The following TMEM87B variants were observed in gnomAD, a reference collection of about 807,000 sequenced individuals.
TMEM87B encodes the protein transmembrane protein 87B.
In TMEM87B, 83 loss-of-function variants were observed where a neutral mutation model predicts 80.3. That is an observed-to-expected ratio of 1.03 (90% CI 0.87 to 1.24). The LOEUF is 1.24. Ranked by LOEUF, TMEM87B falls within the 50% of genes most tolerant of loss-of-function variation. TMEM87B has a pLI of 0.00. For synonymous variants in TMEM87B, 219 were observed against 230.5 expected, an observed-to-expected ratio of 0.95 and a Z score of 0.45; for missense variants, 625 against 674.4, an observed-to-expected ratio of 0.93 and a Z score of 0.81.
chr2:112,086,919 T>TTA (rs1470062230), intron 9 of TMEM87B, among the ~76,000 whole-genome samples: 1 of 152,172 alleles, frequency 6.6e-6, no homozygotes, highest in Admixed American at 6.5e-5. Flanking sequence ...CTAGACTTTA[T>TTA]TATATATATA....
chr2:112,107,883 G>T, intron 17 of TMEM87B, 43 bp downstream of exon 17: 1 of 1,407,486 alleles, frequency 7.1e-7, no homozygotes. Flanking sequence ...ATTTTAGGCT[G>T]TAGTTTAAAA....
At chr2:112,110,078 T>A (rs1379665066) in intron 17 of TMEM87B, among the ~76,000 whole-genome samples, 1 of 152,220 alleles carries the variant, frequency 6.6e-6, no homozygotes, top group Non-Finnish European at 1.5e-5. Flanking sequence ...CTACTTATTT[T>A]TGACATTTTG....
rs940908761 is a variant in TMEM87B, at chr2:112,095,324, G to A, written c.1105-1720G>A. The A allele has an allele frequency of 3.5e-5, 34 of 983,502 alleles. No individual in the cohort carries two copies. The Admixed American group carries it at 6.8e-4, about 20-fold the overall frequency. 60.9% of individuals were successfully genotyped at this position (983,502 alleles called of 1,614,324 possible). A position where few individuals can be genotyped will look rare whatever the true frequency, so the allele number is the denominator to read the frequency against. Reference sequence around the variant, plus strand: ...GATATCCTTTTCCTACCACAGCAGCGCGCTCTCACTTCAGGATCAGAAGGG... The same window carrying A: ...GATATCCTTTTCCTACCACAGCAGCACGCTCTCACTTCAGGATCAGAAGGG... On this transcript the variant is annotated intron_variant, in intron 11 of 18. Coordinates refer to ENST00000283206, the MANE Select transcript of TMEM87B (RefSeq NM_032824.3).
intron 4 of TMEM87B, among the ~76,000 whole-genome samples, chr2:112,067,612 A>C (rs1273516413): frequency 1.1e-4 from 17 of 152,154 alleles, no homozygotes; most frequent in Non-Finnish European, 2.4e-4. Flanking sequence ...AAAAAAGATA[A>C]GATACTGATA....
intron 15 of TMEM87B, among the ~76,000 whole-genome samples, chr2:112,104,563 A>C (rs1679714757): frequency 6.6e-6 from 1 of 152,210 alleles, no homozygotes; most frequent in Admixed American, 6.5e-5. Context: ...AGTCTGATAG[A>C]TAGCATGAAC....
intron 3 of TMEM87B, 106 bp downstream of exon 3, chr2:112,064,359 T>C: frequency 2.1e-6 from 2 of 934,272 alleles, no homozygotes; most frequent in Non-Finnish European, 3.3e-6. Flanking sequence ...ATTACAGTTT[T>C]AGAAGTGCTA....
chr2:112,094,208 T>G (rs1679389726), intron 11 of TMEM87B, among the ~76,000 whole-genome samples: 1 of 151,342 alleles, frequency 6.6e-6, no homozygotes, highest in African/African-American at 2.4e-5. Flanking sequence ...TGTCACCAGG[T>G]TGGAGTGCAG....
intron 1 of TMEM87B, among the ~76,000 whole-genome samples, chr2:112,057,343 A>G (rs375134786): frequency 1.3e-5 from 2 of 151,866 alleles, no homozygotes; most frequent in East Asian, 1.9e-4. Context: ...GCACAGTCAT[A>G]TGGCTCACTG....
At chr2:112,090,522 A>G (rs72942010) in intron 10 of TMEM87B, among the ~76,000 whole-genome samples, 8,145 of 151,916 alleles carry the variant, frequency 0.054, 400 homozygotes, top group African/African-American at 0.13. Flanking sequence ...CATCTCCTAG[A>G]CTTAAGCAGT....
chr2:112,097,419 T>C (rs1054148886), intron 13 of TMEM87B, 128 bp downstream of exon 13: 59 of 907,702 alleles, frequency 6.5e-5, no homozygotes, highest in Non-Finnish European at 9.0e-5. Context: ...CTTTGAACTA[T>C]TTTTTACAGA....
rs970630780 is a variant in TMEM87B, at chr2:112,118,483, C to T, written c.*2340C>T. The T allele has an allele frequency of 2.6e-5, 4 of 152,148 alleles. No individual in the cohort carries two copies. The highest frequency in any genetic ancestry group is 1.5e-5 in the Non-Finnish European group (1 of 68,034). 9.4% of individuals were successfully genotyped at this position (152,148 alleles called of 1,614,324 possible). Reference sequence around the variant, plus strand: ...TTTCTAGGCAAAATGCTTAAGTGTTCTGGTTATGCCATTCATTCATACGAT... The same window carrying T: ...TTTCTAGGCAAAATGCTTAAGTGTTTTGGTTATGCCATTCATTCATACGAT... On this transcript the variant is annotated 3_prime_UTR_variant, in exon 19 of 19. Coordinates refer to ENST00000283206, the MANE Select transcript of TMEM87B (RefSeq NM_032824.3).
At chr2:112,102,735 AAAG>A (rs1679664027) in intron 15 of TMEM87B, among the ~76,000 whole-genome samples, 1 of 152,028 alleles carries the variant, frequency 6.6e-6, no homozygotes, top group Non-Finnish European at 1.5e-5. Context: ...AGTACAAATA[AAAG>A]AAGAAAGAAG....
intron 1 of TMEM87B, among the ~76,000 whole-genome samples, chr2:112,056,678 C>T (rs1212050667): frequency 1.3e-5 from 2 of 152,106 alleles, no homozygotes; most frequent in African/African-American, 4.8e-5. Flanking sequence ...TTTCCTTAAC[C>T]AGAAAAAGAA....
chr2:112,107,888 T>C, intron 17 of TMEM87B, 48 bp downstream of exon 17: 1 of 1,306,706 alleles, frequency 7.7e-7, no homozygotes, highest in South Asian at 1.3e-5. Context: ...AGGCTGTAGT[T>C]TAAAAGGGAT....
intron 3 of TMEM87B, among the ~76,000 whole-genome samples, chr2:112,066,396 T>C (rs1204262402): frequency 6.6e-6 from 1 of 152,222 alleles, no homozygotes; most frequent in East Asian, 1.9e-4. Context: ...ATTTGGTCTG[T>C]GGGAGCCAAC....
intron 9 of TMEM87B, among the ~76,000 whole-genome samples, chr2:112,088,095 G>A (rs995223472): frequency 3.3e-5 from 5 of 152,202 alleles, no homozygotes; most frequent in Non-Finnish European, 5.9e-5. Flanking sequence ...GTGCGTGCCC[G>A]TTTGCTTGTG....
intron 8 of TMEM87B, among the ~76,000 whole-genome samples, chr2:112,082,792 CAGT>C (rs1679037110): frequency 6.6e-6 from 1 of 152,012 alleles, no homozygotes; most frequent in Admixed American, 6.6e-5. Context: ...GCTTTGCTGT[CAGT>C]GGTGGTGATC....
chr2:112,055,720 C>G lies in TMEM87B; in HGVS notation c.129C>G (p.Val43=). 1 of 1,533,896 alleles carries G rather than the reference C, an allele frequency of 6.5e-7. No individual in the cohort carries two copies. Among genetic ancestry groups the G allele is most frequent in the Non-Finnish European group, 8.7e-7 (1 of 1,147,578 alleles). ...GGACCCCGGCGGCTGTGCGCGCGGTCCCTGAGCTCGGGCTCTGGTTAGAGA... is the reference window on the plus strand; with the variant it reads ...GGACCCCGGCGGCTGTGCGCGCGGTGCCTGAGCTCGGGCTCTGGTTAGAGA... The part of the protein sequence containing the change: ...LCWTPAAVRA[V]PELGLWLETV... The change falls in exon 1 of 19, where the codon GTC becomes GTG. Residue 43 remains valine (V), a synonymous_variant. Coordinates refer to ENST00000283206, the MANE Select transcript of TMEM87B (RefSeq NM_032824.3).
rs553123977 is a variant in TMEM87B, at chr2:112,064,230, C to T, written c.295C>T (p.His99Tyr). Residue 99 changes from histidine (H) to tyrosine (Y), a missense_variant, in exon 3 of 19, where the codon CAC (histidine) becomes TAC (tyrosine). Coordinates refer to ENST00000283206, the MANE Select transcript of TMEM87B (RefSeq NM_032824.3). ...IVWHLKYHTC[H>Y]NEHSNLEELF... ...GTGGCATTTGAAGTATCATACCTGTCACAATGAGCATTCTAATCTGGAAGT... is the reference window on the plus strand; with the variant it reads ...GTGGCATTTGAAGTATCATACCTGTTACAATGAGCATTCTAATCTGGAAGT... 4 of 1,613,668 alleles carry T rather than the reference C, an allele frequency of 2.5e-6. No individual in the cohort carries two copies. In the African/African-American group the frequency reaches 5.3e-5, roughly 22 times the overall value.
Sources: gnomAD v4.1 joint callset for allele counts (sites outside exome capture counted in the v4.1 genomes callset) on GRCh38, gnomAD v4.1.1 for gene constraint, MANE v1.5 for transcripts, NCBI Gene and HGNC (gene_info 2026-07-23, HGNC 2026-07-21) for gene names.